Variants in GPR137C observed in about 807,000 individuals in gnomAD.
GPR137C encodes the protein G protein-coupled receptor 137C.
In GPR137C, 27 loss-of-function variants were observed where a neutral mutation model predicts 43.4. The ratio of observed to expected loss-of-function variants is 0.62; its 90% CI spans 0.46 to 0.86. The LOEUF is 0.86. Ranked by LOEUF, GPR137C falls within the 40% of genes least tolerant of loss-of-function variation. The probability of loss-of-function intolerance (pLI) is 0.00; values close to 1 mark genes in which losing one functional copy is unlikely to be tolerated. For synonymous variants in GPR137C, 285 were observed against 226.9 expected, an observed-to-expected ratio of 1.26 and a Z score of -2.30; for missense variants, 522 against 534.6, an observed-to-expected ratio of 0.98 and a Z score of 0.23.
At chr14:52,582,466 G>A (rs1055512983) in intron 1 of GPR137C, among the ~76,000 whole-genome samples, 2 of 152,138 alleles carry the variant, frequency 1.3e-5, no homozygotes, top group African/African-American at 4.8e-5. Flanking sequence ...TTTATTTGAA[G>A]CACTAAAGGA....
At chr14:52,634,297 C>G (rs1001677816) in intron 6 of GPR137C, among the ~76,000 whole-genome samples, 1 of 151,972 alleles carries the variant, frequency 6.6e-6, no homozygotes, top group Non-Finnish European at 1.5e-5. Context: ...GGTCAAAATC[C>G]AGAGAAACCC....
chr14:52,558,476 G>A (rs1193509317), intron 1 of GPR137C, among the ~76,000 whole-genome samples: 2 of 152,182 alleles, frequency 1.3e-5, no homozygotes, highest in Admixed American at 1.3e-4. Context: ...ATTGAGAGGA[G>A]CAGACTGGGG....
chr14:52,625,775 C>T (rs541660133), intron 3 of GPR137C, among the ~76,000 whole-genome samples: 9 of 151,620 alleles, frequency 5.9e-5, no homozygotes, highest in African/African-American at 1.9e-4. Flanking sequence ...AGGATGGTCT[C>T]GATCTCCTGA....
intron 1 of GPR137C, among the ~76,000 whole-genome samples, chr14:52,558,829 T>G (rs2038234936): frequency 1.3e-5 from 2 of 151,738 alleles, no homozygotes; most frequent in African/African-American, 4.8e-5. Flanking sequence ...AAGAAATAAG[T>G]GAACTAGAAG....
intron 1 of GPR137C, among the ~76,000 whole-genome samples, chr14:52,585,080 C>T (rs1214504197): frequency 3.3e-5 from 5 of 152,150 alleles, no homozygotes; most frequent in African/African-American, 1.2e-4. Flanking sequence ...TAACATCTTT[C>T]ACAAGAAGTG....
chr14:52,632,310 G>T lies in GPR137C; in HGVS notation c.867+1G>T. On this transcript the variant is annotated splice_donor_variant, in intron 4 of 6. Coordinates refer to ENST00000321662, the MANE Select transcript of GPR137C (RefSeq NM_001099652.2). LOFTEE classifies it high-confidence loss of function. ...TGGCTGGGATAATCTTTCAGATAAG[G>T]TAAATACCTACCACGTATTGCCAGT... 1.2e-6 allele frequency: 2 copies of T among 1,602,298 alleles called. No individual in the cohort carries two copies. Among genetic ancestry groups the T allele is most frequent in the Non-Finnish European group, 1.7e-6 (2 of 1,172,104 alleles).
At chr14:52,598,250 T>C in intron 1 of GPR137C, 22 bp from the exon 2 acceptor site, 1 of 1,100,028 alleles carries the variant, frequency 9.1e-7, no homozygotes, top group Non-Finnish European at 1.3e-6. Flanking sequence ...TTCAAAATTT[T>C]TTTTTTATAT....
intron 1 of GPR137C, among the ~76,000 whole-genome samples, chr14:52,560,524 T>A (rs1041776271): frequency 6.6e-6 from 1 of 152,162 alleles, no homozygotes; most frequent in Non-Finnish European, 1.5e-5. Flanking sequence ...AAAGCTACAG[T>A]AATCAAGAGA....
At chr14:52,568,815 TCC>T (rs2038415744) in intron 1 of GPR137C, among the ~76,000 whole-genome samples, 1 of 152,148 alleles carries the variant, frequency 6.6e-6, no homozygotes, top group South Asian at 2.1e-4. Context: ...TAGAGAAAAC[TCC>T]CATATCCCTG....
At chr14:52,566,290 T>C (rs1475380881) in intron 1 of GPR137C, among the ~76,000 whole-genome samples, 1 of 152,204 alleles carries the variant, frequency 6.6e-6, no homozygotes, top group African/African-American at 2.4e-5. Flanking sequence ...TCTCAGAGTA[T>C]AAAAAAGCTT....
chr14:52,565,859 C>G (rs1240449010), intron 1 of GPR137C, among the ~76,000 whole-genome samples: 2 of 152,152 alleles, frequency 1.3e-5, no homozygotes, highest in East Asian at 1.9e-4. Context: ...AACCAGAATT[C>G]TAGTCCAAAT....
chr14:52,614,812 AT>A (rs2039080626), intron 3 of GPR137C, among the ~76,000 whole-genome samples: 1 of 151,818 alleles, frequency 6.6e-6, no homozygotes, highest in African/African-American at 2.4e-5. Context: ...AGATTATTAA[AT>A]TTTTTTTCCT....
intron 3 of GPR137C, among the ~76,000 whole-genome samples, chr14:52,604,839 G>A (rs2038966961): frequency 1.3e-5 from 2 of 151,956 alleles, no homozygotes; most frequent in Non-Finnish European, 2.9e-5. Flanking sequence ...GTATGTTCTG[G>A]GCATCTTTGT....
intron 3 of GPR137C, chr14:52,612,175 AAT>A: frequency 1.0e-6 from 1 of 984,128 alleles, no homozygotes; most frequent in Non-Finnish European, 1.2e-6. Flanking sequence ...AATATGAAAG[AAT>A]ATGATTTCTT....
intron 1 of GPR137C, among the ~76,000 whole-genome samples, chr14:52,578,749 G>T (rs1281699021): frequency 6.6e-6 from 1 of 152,086 alleles, no homozygotes; most frequent in African/African-American, 2.4e-5. Context: ...TTCGAGACCA[G>T]CCTGGCCAGC....
chr14:52,554,515 G>A (rs991958503), intron 1 of GPR137C, among the ~76,000 whole-genome samples: 1 of 152,074 alleles, frequency 6.6e-6, no homozygotes, highest in Non-Finnish European at 1.5e-5. Context: ...TCAGCTTGTG[G>A]TATTTAAGCC....
rs1255251332 is a variant in GPR137C, at chr14:52,589,988, TA to T, written c.445-8276del. Among the ~76,000 whole-genome samples the T allele has an allele frequency of 7.9e-5, 12 of 152,096 alleles. No individual in the cohort carries two copies. In the South Asian group the frequency reaches 2.1e-3, roughly 26 times the overall value. ...TATTTTAGAATGGCTTTCTACTTAT[TA>T]AAAAAAAGTTAACTGTAATACAGCC... On this transcript the variant is annotated intron_variant, in intron 1 of 6. Coordinates refer to ENST00000321662, the MANE Select transcript of GPR137C (RefSeq NM_001099652.2).
intron 1 of GPR137C, among the ~76,000 whole-genome samples, chr14:52,564,634 C>T (rs2038338642): frequency 6.6e-6 from 1 of 152,058 alleles, no homozygotes. Context: ...CATTATGCTG[C>T]TCTTCTTCAT....
In GPR137C at chr14:52,555,347, C is replaced by T. The variant is rs536163174; in HGVS notation, c.444+1756C>T. Among the ~76,000 whole-genome samples the T allele has an allele frequency of 5.3e-5, 8 of 152,218 alleles. No individual in the cohort carries two copies. In the South Asian group the frequency reaches 1.5e-3, roughly 28 times the overall value. On this transcript the variant is annotated intron_variant, in intron 1 of 6. Coordinates refer to ENST00000321662, the MANE Select transcript of GPR137C (RefSeq NM_001099652.2). ...AATAAAGTCCACAATCTTAAATGCA[C>T]ACCTAGATGAAATTTTATATCTGTA...
Sources: allele counts gnomAD v4.1 joint callset (sites outside exome capture counted in the v4.1 genomes callset), GRCh38; gene constraint gnomAD v4.1.1; transcripts MANE v1.5; gene names NCBI Gene and HGNC (gene_info 2026-07-23, HGNC 2026-07-21).